TACR1: variants seen among roughly 807,000 people sequenced by gnomAD.
TACR1 encodes substance-P receptor.
A neutral mutation model predicts 35.8 loss-of-function variants in TACR1; 25 were observed. That is an observed-to-expected ratio of 0.70 (90% confidence interval 0.51 to 0.98). The LOEUF is 0.98. TACR1 is among the 50% of genes least tolerant of loss of function. The pLI is 0.00. For synonymous variants in TACR1, 195 were observed against 206.7 expected (o/e 0.94, Z 0.48); for missense variants, 478 against 522.9 (o/e 0.91, Z 0.84).
intron 2 of TACR1, among the ~76,000 whole-genome samples, chr2:75,054,211 C>A (rs1334195275): frequency 6.6e-6 from 1 of 152,200 alleles, no homozygotes; most frequent in African/African-American, 2.4e-5. Context: ...CGCCAGACTA[C>A]ACTTATGCTC....
At chr2:75,065,899 A>T (rs1161436389) in intron 2 of TACR1, among the ~76,000 whole-genome samples, 1 of 152,168 alleles carries the variant, frequency 6.6e-6, no homozygotes, top group Non-Finnish European at 1.5e-5. Context: ...ATAGCCTGTG[A>T]CTAATAGCCA....
intron 2 of TACR1, among the ~76,000 whole-genome samples, chr2:75,062,130 C>T (rs13426225): frequency 0.025 from 3,798 of 152,138 alleles, 168 homozygotes; most frequent in African/African-American, 0.086. Flanking sequence ...CTGTTGACAG[C>T]GTCCTCCTCA....
At chr2:75,143,202 A>G (rs1419023868) in intron 1 of TACR1, among the ~76,000 whole-genome samples, 1 of 152,192 alleles carries the variant, frequency 6.6e-6, no homozygotes, top group Admixed American at 6.5e-5. Context: ...GTTAGAGAAA[A>G]GGTAGAAAGC....
intron 2 of TACR1, among the ~76,000 whole-genome samples, chr2:75,071,389 A>T (rs1232915375): frequency 6.6e-6 from 1 of 152,202 alleles, no homozygotes; most frequent in African/African-American, 2.4e-5. Context: ...TCCTTCTTCA[A>T]GGTCCATCTT....
At chr2:75,093,486 C>T (rs1011573475) in intron 2 of TACR1, among the ~76,000 whole-genome samples, 5 of 152,140 alleles carry the variant, frequency 3.3e-5, no homozygotes, top group Non-Finnish European at 7.4e-5. Context: ...CCAGGCTGCA[C>T]AGGTTATAGA....
intron 1 of TACR1, among the ~76,000 whole-genome samples, chr2:75,151,420 G>A (rs1674667430): frequency 6.6e-6 from 1 of 152,226 alleles, no homozygotes; most frequent in African/African-American, 2.4e-5. Flanking sequence ...GTGGCTGAAA[G>A]GGGCCAATGT....
chr2:75,057,483 G>T (rs1672591728), intron 2 of TACR1, among the ~76,000 whole-genome samples: 1 of 152,202 alleles, frequency 6.6e-6, no homozygotes, highest in Non-Finnish European at 1.5e-5. Flanking sequence ...GGACGCGAGT[G>T]AAACATTCAA....
At position 75,120,289 on chromosome 2, in the gene TACR1, A is replaced by T. The variant is rs569454226; in HGVS notation, c.584+285T>A. Among the ~76,000 whole-genome samples, 279 of 152,224 alleles carry T rather than the reference A, an allele frequency of 1.8e-3. 3 individuals carry two copies. The highest frequency in any genetic ancestry group is 5.8e-3 in the African/African-American group (242 of 41,548). ...AAGAAAGGCAGATCCCGGCAGGGTA[A>T]TGTCTCTGGTAAAAGGCCCGAGGGA... On this transcript the variant is annotated intron_variant, in intron 2 of 4. Coordinates refer to ENST00000305249, the MANE Select transcript of TACR1 (RefSeq NM_001058.4).
intron 2 of TACR1, among the ~76,000 whole-genome samples, chr2:75,075,086 A>C (rs1175404862): frequency 6.6e-6 from 1 of 152,204 alleles, no homozygotes; most frequent in East Asian, 1.9e-4. Context: ...CCCATGTTAA[A>C]ATGCAGGCAG....
chr2:75,138,719 C>T (rs555364169), intron 1 of TACR1, among the ~76,000 whole-genome samples: 1 of 152,170 alleles, frequency 6.6e-6, no homozygotes, highest in Admixed American at 6.5e-5. Flanking sequence ...AATATGTAGT[C>T]TTGATCCATG....
rs541629500 is a variant in TACR1, at chr2:75,174,594, G to A, written c.389+23952C>T. Among the ~76,000 whole-genome samples the A allele has an allele frequency of 2.6e-3, 397 of 152,300 alleles. 2 individuals are homozygous for A. Among genetic ancestry groups the A allele is most frequent in the African/African-American group, 8.4e-3 (348 of 41,556 alleles). On this transcript the variant is annotated intron_variant, in intron 1 of 4. Transcript: ENST00000305249. ...ATTTTCAAACCCTGGTTGACCGTGG[G>A]TAACTGAAACTGCAGAAATGGAAAC...
chr2:75,198,587 G>T lies in TACR1; in HGVS notation c.348C>A (p.Val116=). ...KFHNFFPIAA[V]FASIYSMTAV... The stretch of plus-strand genomic sequence containing the variant: ...CCGTCATGGAGTAGATACTGGCGAA[G>T]ACAGCGGCGATGGGAAAGAAGTTGT... The change falls in exon 1 of 5, where the codon GTC becomes GTA. Residue 116 remains valine, a synonymous_variant. Transcript: ENST00000305249. 6.2e-7 allele frequency: 1 copy of T among 1,614,192 alleles called. No homozygotes were observed. The highest frequency in any genetic ancestry group is 8.5e-7 in the Non-Finnish European group (1 of 1,180,030).
In TACR1 at chr2:75,049,580, GA is replaced by G. The variant is rs1312984622; in HGVS notation, c.1075del (p.Ser359ProfsTer24). The stretch of plus-strand genomic sequence containing the variant: ...CTCCTCGTGGGCCCCCACCACTGTG[GA>G]GATGGTGGTCTCCAGGCGGCTGACT... ...YKVSRLETTI[S>X]TVVGAHEEEP... On this transcript the variant is annotated frameshift_variant, in exon 5 of 5. Coordinates refer to ENST00000305249, the MANE Select transcript of TACR1 (RefSeq NM_001058.4). LOFTEE classifies it high-confidence loss of function. The G allele has an allele frequency of 6.2e-7, 1 of 1,614,140 alleles. No homozygotes were observed.
intron 1 of TACR1, among the ~76,000 whole-genome samples, chr2:75,192,493 G>A (rs1337239208): frequency 6.6e-6 from 1 of 152,178 alleles, no homozygotes; most frequent in East Asian, 1.9e-4. Context: ...CTCTTACAAT[G>A]GCCCTGTTTG....
intron 1 of TACR1, among the ~76,000 whole-genome samples, chr2:75,125,291 C>T (rs1674051323): frequency 6.6e-6 from 1 of 152,026 alleles, no homozygotes; most frequent in African/African-American, 2.4e-5. Flanking sequence ...TCCAGCAATT[C>T]TCATGCCTCA....
intron 1 of TACR1, among the ~76,000 whole-genome samples, chr2:75,161,529 C>A (rs1675009505): frequency 6.6e-6 from 1 of 151,954 alleles, no homozygotes; most frequent in Non-Finnish European, 1.5e-5. Context: ...AGAATAGTTT[C>A]AAGTAAGTTA....
At chr2:75,068,667 A>G (rs574878954) in intron 2 of TACR1, among the ~76,000 whole-genome samples, 10 of 152,360 alleles carry the variant, frequency 6.6e-5, no homozygotes, top group East Asian at 3.9e-4. Flanking sequence ...TGTTACAGAT[A>G]GTAAAACTTA....
At chr2:75,192,553 C>T (rs1476920317) in intron 1 of TACR1, among the ~76,000 whole-genome samples, 3 of 152,112 alleles carry the variant, frequency 2.0e-5, no homozygotes, top group African/African-American at 7.2e-5. Context: ...GTCAAAAAGG[C>T]CTCTAGTATT....
chr2:75,137,728 C>CCA (rs1674325621), intron 1 of TACR1, among the ~76,000 whole-genome samples: 1 of 47,516 alleles, frequency 2.1e-5, no homozygotes, highest in Non-Finnish European at 3.5e-5. Context: ...GTCTCCGTCT[C>CCA]AAAAAAAAAA....
Sources: gnomAD v4.1 joint callset for allele counts (sites outside exome capture counted in the v4.1 genomes callset) on GRCh38, gnomAD v4.1.1 for gene constraint, MANE v1.5 for transcripts, NCBI Gene and HGNC (gene_info 2026-07-23, HGNC 2026-07-21) for gene names.